ERBB2: variants seen among roughly 807,000 people sequenced by gnomAD.
ERBB2 encodes receptor tyrosine-protein kinase erbB-2.
ERBB2 carries 61 observed loss-of-function variants against 149.0 expected under a neutral mutation model. The ratio of observed to expected loss-of-function variants is 0.41; its 90% confidence interval spans 0.33 to 0.51. ERBB2 has a LOEUF of 0.51. ERBB2 is among the 20% of genes least tolerant of loss of function. The pLI, the probability that ERBB2 is intolerant of heterozygous loss-of-function variation, is 0.25. For missense variants in ERBB2, 1,205 were observed against 1,655.1 expected (o/e 0.73, Z 4.72); for synonymous variants, 633 against 678.8 (o/e 0.93, Z 1.05).
chr17:39,717,279 G>A (rs372462071), intron 14 of ERBB2, 41 bp from the exon 15 acceptor site: 8 of 1,539,548 alleles, frequency 5.2e-6, no homozygotes, highest in Admixed American at 1.8e-5. Flanking sequence ...CCCTGGGGGT[G>A]TCAGTGCCAG....
chr17:39,695,602 A>G (rs1026403215), upstream of ERBB2, among the ~76,000 whole-genome samples: 1 of 151,720 alleles, frequency 6.6e-6, no homozygotes, highest in Non-Finnish European at 1.5e-5. Context: ...TGGACATCGG[A>G]CTGTGGACCA....
In ERBB2 at chr17:39,727,904, C is replaced by G. The variant is rs2059869654; in HGVS notation, c.3628C>G (p.Pro1210Ala). 3 of 1,614,038 alleles carry G rather than the reference C, an allele frequency of 1.9e-6. No individual in the cohort carries two copies. The highest frequency in any genetic ancestry group is 2.5e-6 in the Non-Finnish European group (3 of 1,180,012). Residue 1210 changes from proline to alanine, a missense_variant, in exon 27 of 27, where the codon CCT becomes GCT. Physicochemically the swap from Pro to Ala is conservative, Grantham distance 27. Around this residue, in one of 6 missense-constraint regions of ERBB2, gnomAD observed 312 missense variants for 343.8 expected, o/e 0.91. Transcript: ENST00000269571. The surrounding 1 kb of genome is among the most constrained non-coding windows in gnomAD (Gnocchi z 4.3). ...AGGAGCTGCCCCTCAGCCCCACCCT[C>G]CTCCTGCCTTCAGCCCAGCCTTCGA... is the stretch of plus-strand genomic sequence containing the variant. ...QGGAAPQPHP[P>A]PAFSPAFDNL...
rs2145440334 is a variant in ERBB2, at chr17:39,708,399, G to A, written c.304G>A (p.Val102Met). The change falls in exon 3 of 27, where the codon GTG becomes ATG. Residue 102 changes from valine (V) to methionine (M), a missense_variant. Physicochemically the swap from Val to Met is conservative, Grantham distance 21 (BLOSUM62 1). Around this residue, in one of 6 missense-constraint regions of ERBB2, gnomAD observed 569 missense variants for 803.5 expected, o/e 0.71. Transcript: ENST00000269571. ...RQVPLQRLRIVRGTQLFEDNY... is the reference protein window; with the variant it reads ...RQVPLQRLRIMRGTQLFEDNY... ...GGTCCCACTGCAGAGGCTGCGGATTGTGCGAGGCACCCAGCTCTTTGAGGA... is the reference window on the plus strand; with the variant it reads ...GGTCCCACTGCAGAGGCTGCGGATTATGCGAGGCACCCAGCTCTTTGAGGA... 1.2e-6 allele frequency: 2 copies of A among 1,614,218 alleles called. No homozygotes were observed. Among genetic ancestry groups the A allele is most frequent in the Non-Finnish European group, 1.7e-6 (2 of 1,180,038 alleles).
intron 19 of ERBB2, 52 bp from the exon 20 acceptor site, chr17:39,724,674 T>G (rs1035359881): frequency 6.6e-7 from 1 of 1,511,284 alleles, no homozygotes; most frequent in Non-Finnish European, 9.1e-7. Flanking sequence ...GGCTGTGTGG[T>G]GTTTGGGGGT....
upstream of ERBB2, chr17:39,699,518 T>G: frequency 6.5e-7 from 1 of 1,533,406 alleles, no homozygotes; most frequent in Non-Finnish European, 8.7e-7. Context: ...GTAGACCCTC[T>G]TAAGATCATG....
chr17:39,690,451 A>G (rs533389882), upstream of ERBB2, among the ~76,000 whole-genome samples: 1 of 152,346 alleles, frequency 6.6e-6, no homozygotes, highest in Admixed American at 6.5e-5. Flanking sequence ...GTTCGGGTCT[A>G]AAGTATTTCA....
At chr17:39,715,393 G>C (rs2059059816) in intron 10 of ERBB2, 34 bp downstream of exon 10, 3 of 1,612,840 alleles carry the variant, frequency 1.9e-6, no homozygotes. Context: ...TTCTGCAGGG[G>C]CTGGGAGTCC....
At chr17:39,715,165 G>T in intron 9 of ERBB2, 121 bp from the exon 10 acceptor site, 1 of 777,390 alleles carries the variant, frequency 1.3e-6, no homozygotes, top group Non-Finnish European at 2.2e-6. Context: ...GAACAGCTGG[G>T]CTCGATGGGC....
rs946448143 is a variant in ERBB2, at chr17:39,725,876, C to T, written c.2872+23C>T. The stretch of plus-strand genomic sequence containing the variant: ...AATGTGCGTGGCTGAGCTGTGCTGG[C>T]TGCCTGGAGGAGGGTGGGAGGTCCT... On this transcript the variant is annotated intron_variant, in intron 23 of 26. Transcript: ENST00000269571. This position sits in a 1 kb window ranked among gnomAD's most constrained non-coding sequence, Gnocchi z 4.6. 1.9e-6 allele frequency: 3 copies of T among 1,611,516 alleles called. No individual in the cohort carries two copies. Among genetic ancestry groups the T allele is most frequent in the African/African-American group, 2.7e-5 (2 of 74,834 alleles).
rs779058669 is a variant in ERBB2, at chr17:39,710,090, G to A, written c.648G>A (p.Thr216=). Residue 216 remains threonine, a synonymous_variant, in exon 6 of 27, where the codon ACG becomes ACA. Coordinates refer to ENST00000269571, the MANE Select transcript of ERBB2 (RefSeq NM_004448.4). ...GESSEDCQSL[T]RTVCAGGCAR... The stretch of plus-strand genomic sequence containing the variant: ...ATCCTGCCCTTTGCCCAACAGTGAC[G>A]CGCACTGTCTGTGCCGGTGGCTGTG... 90 of 1,606,074 alleles carry A rather than the reference G, an allele frequency of 5.6e-5. No individual in the cohort carries two copies. The highest frequency in any genetic ancestry group is 6.5e-5 in the Non-Finnish European group (77 of 1,177,660).
upstream of ERBB2, among the ~76,000 whole-genome samples, chr17:39,694,000 A>T (rs2057768959): frequency 6.7e-6 from 1 of 148,376 alleles, no homozygotes; most frequent in Admixed American, 6.8e-5. Flanking sequence ...AGCCTGGCCA[A>T]CACGGAGAAA....
In ERBB2 at chr17:39,710,331, T is replaced by TC. The variant is rs776683540; in HGVS notation, c.760-3dup. On this transcript the variant is annotated splice_polypyrimidine_tract_variant and intron_variant, in intron 6 of 26. Transcript: ENST00000269571. ...CAGCACAGTGAAAGCCAGCCACCTG[T>TC]CCCCCCAGGCCTGCCTCCACTTCAA... The TC allele has an allele frequency of 1.2e-6, 2 of 1,613,778 alleles. No individual in the cohort carries two copies. Among genetic ancestry groups the TC allele is most frequent in the African/African-American group, 2.7e-5 (2 of 74,846 alleles).
intron 4 of ERBB2, 144 bp from the exon 5 acceptor site, chr17:39,709,669 G>A (rs1476798443): frequency 5.3e-6 from 5 of 942,780 alleles, no homozygotes; most frequent in Non-Finnish European, 6.5e-6. Flanking sequence ...TCTGGTTTGG[G>A]GGCCTCTCAG....
At chr17:39,693,796 A>G (rs2057765043), upstream of ERBB2, among the ~76,000 whole-genome samples, 2 of 147,748 alleles carry the variant, frequency 1.4e-5, no homozygotes, top group Admixed American at 6.8e-5. Context: ...TAATAATAAT[A>G]ATAATAATAG....
At position 39,723,769 on chromosome 17, in the gene ERBB2, G is replaced by A. The variant is rs2059579998; in HGVS notation, c.2208+109G>A. The A allele has an allele frequency of 8.5e-6, 13 of 1,520,788 alleles. No homozygotes were observed. The highest frequency in any genetic ancestry group is 2.4e-5 in the East Asian group (1 of 42,086). The allele number at this position is 1,520,788 out of a possible 1,614,324, so 94.2% of individuals were successfully genotyped here. On this transcript the variant is annotated intron_variant, in intron 18 of 26. Transcript: ENST00000269571. The surrounding 1 kb of genome is among the most constrained non-coding windows in gnomAD (Gnocchi z 6.2). ...GGCAAGAGCTGGAGGCAGTGTTTGG[G>A]GGAGGGCAGTTACAGCGGAGAAGGG...
intron 1 of ERBB2, among the ~76,000 whole-genome samples, chr17:39,688,497 C>CA (rs1567883194): frequency 6.6e-6 from 1 of 151,862 alleles, no homozygotes; most frequent in Non-Finnish European, 1.5e-5. Context: ...GCCCATATCA[C>CA]TTTTTTTTTC....
upstream of ERBB2, among the ~76,000 whole-genome samples, chr17:39,692,826 G>A (rs755662302): frequency 1.3e-5 from 2 of 152,000 alleles, no homozygotes; most frequent in Non-Finnish European, 2.9e-5. Context: ...TAAGGAGGCC[G>A]AGGCCGGCGG....
chr17:39,699,685 A>G, upstream of ERBB2: 1 of 818,954 alleles, frequency 1.2e-6, no homozygotes, highest in East Asian at 2.7e-5. Context: ...CTTGGGATGG[A>G]GTAGGATGCA....
upstream of ERBB2, among the ~76,000 whole-genome samples, chr17:39,692,825 C>T (rs549656303): frequency 1.1e-3 from 174 of 151,806 alleles, 1 homozygote; most frequent in Middle Eastern, 0.017. Context: ...TTAAGGAGGC[C>T]GAGGCCGGCG....
Sources: allele counts gnomAD v4.1 joint callset (sites outside exome capture counted in the v4.1 genomes callset), GRCh38; gene constraint gnomAD v4.1.1; regional missense constraint gnomAD v4.1.1; non-coding constraint Gnocchi (gnomAD v3.1); transcripts MANE v1.5; gene names NCBI Gene and HGNC (gene_info 2026-07-23, HGNC 2026-07-21).